Variants in GRAMD4 observed in about 807,000 individuals in gnomAD.
GRAMD4 encodes GRAM domain-containing protein 4.
GRAMD4 carries 25 observed loss-of-function variants against 83.9 expected under a neutral mutation model. The ratio of observed to expected loss-of-function variants is 0.30; its 90% CI spans 0.22 to 0.42. GRAMD4 has a LOEUF of 0.42. GRAMD4 is among the 10% of genes least tolerant of loss of function. The pLI is 1.00. For synonymous variants in GRAMD4, 336 were observed against 320.9 expected (o/e 1.05, Z -0.50); for missense variants, 593 against 788.7 (o/e 0.75, Z 2.97).
intron 1 of GRAMD4, among the ~76,000 whole-genome samples, chr22:46,608,946 G>A (rs553327914): frequency 6.6e-6 from 1 of 152,296 alleles, no homozygotes; most frequent in East Asian, 1.9e-4. Flanking sequence ...GCACGTGCCT[G>A]TAGTACCAGC....
At chr22:46,598,847 G>A (rs2081286132) in intron 1 of GRAMD4, among the ~76,000 whole-genome samples, 1 of 152,174 alleles carries the variant, frequency 6.6e-6, no homozygotes, top group African/African-American at 2.4e-5. Context: ...GCTACATGGT[G>A]GGTTTCAGGC....
At chr22:46,613,248 C>A (rs985516711) in intron 1 of GRAMD4, among the ~76,000 whole-genome samples, 1 of 152,128 alleles carries the variant, frequency 6.6e-6, no homozygotes, top group African/African-American at 2.4e-5. Context: ...AGCAGGGGCC[C>A]CTGTCCGAGG....
At chr22:46,625,382 G>A (rs2147158663) in intron 1 of GRAMD4, among the ~76,000 whole-genome samples, 1 of 152,352 alleles carries the variant, frequency 6.6e-6, no homozygotes, top group Middle Eastern at 3.4e-3. Context: ...CAGGCATGTA[G>A]GAGCTGGAGC....
chr22:46,577,913 C>G (rs1481071639), intron 1 of GRAMD4, among the ~76,000 whole-genome samples: 1 of 152,196 alleles, frequency 6.6e-6, no homozygotes, highest in African/African-American at 2.4e-5. Flanking sequence ...TGTGGCAACC[C>G]CGGCCCGAGG....
At chr22:46,625,529 T>C (rs1275681927) in intron 1 of GRAMD4, among the ~76,000 whole-genome samples, 1 of 152,276 alleles carries the variant, frequency 6.6e-6, no homozygotes, top group African/African-American at 2.4e-5. Flanking sequence ...AATTCCTGGA[T>C]ACCTTTGCCT....
chr22:46,677,475 G>T lies in GRAMD4; in HGVS notation c.*224G>T, dbSNP rs2082616609. 7.7e-7 allele frequency: 1 copy of T among 1,301,000 alleles called. No homozygotes were observed. The allele number at this position is 1,301,000 out of a possible 1,614,324, so 80.6% of individuals were successfully genotyped here. On this transcript the variant is annotated 3_prime_UTR_variant, in exon 19 of 19. Transcript: ENST00000406902. ...CCCTCTCCCACAGGGCACGTCAGGT[G>T]CCTCTGAGGGCCACCCGCAGACTGG...
intron 1 of GRAMD4, among the ~76,000 whole-genome samples, chr22:46,599,454 G>A (rs1269066592): frequency 6.6e-6 from 1 of 152,080 alleles, no homozygotes; most frequent in African/African-American, 2.4e-5. Context: ...AAGTAGCTGG[G>A]ATTACAGGCT....
chr22:46,629,294 C>T (rs547550936), intron 2 of GRAMD4, among the ~76,000 whole-genome samples: 2 of 152,240 alleles, frequency 1.3e-5, no homozygotes, highest in East Asian at 3.9e-4. Flanking sequence ...TCTCGTCCAC[C>T]CCCAGGCCTG....
intron 2 of GRAMD4, among the ~76,000 whole-genome samples, chr22:46,637,151 G>A (rs1755535856): frequency 6.6e-6 from 1 of 152,234 alleles, no homozygotes; most frequent in Admixed American, 6.5e-5. Context: ...GGCACGGCCA[G>A]CCGGACACAC....
At chr22:46,661,512 T>C (rs976496736) in intron 5 of GRAMD4, 70 bp downstream of exon 5, 14 of 1,093,624 alleles carry the variant, frequency 1.3e-5, no homozygotes, top group Admixed American at 1.8e-5. Flanking sequence ...GCTGGTTCTG[T>C]AGGCCCAGGT....
intron 3 of GRAMD4, among the ~76,000 whole-genome samples, chr22:46,652,184 G>A (rs2082176222): frequency 1.3e-5 from 2 of 152,174 alleles, no homozygotes. Flanking sequence ...AGATGGTTCT[G>A]GATTATCTGG....
chr22:46,676,240 C>T (rs1042251819), intron 17 of GRAMD4, among the ~76,000 whole-genome samples: 6 of 152,228 alleles, frequency 3.9e-5, no homozygotes, highest in Non-Finnish European at 8.8e-5. Flanking sequence ...GTCCTTTCCG[C>T]CTGCCTCTTG....
chr22:46,680,613 T>TCCATCCGTCCTTCCATCCATCCATCCAC (rs2082660019), downstream of GRAMD4, among the ~76,000 whole-genome samples: 1 of 100,288 alleles, frequency 1.0e-5, no homozygotes, highest in African/African-American at 3.9e-5. Flanking sequence ...CATTCATCCA[T>TCCATCCGTCCTTCCATCCATCCATCCAC]CCACCCACCC....
chr22:46,581,716 G>A (rs1283888541), intron 1 of GRAMD4, among the ~76,000 whole-genome samples: 2 of 152,356 alleles, frequency 1.3e-5, no homozygotes, highest in East Asian at 3.9e-4. Flanking sequence ...TCACGCAGGA[G>A]GAAGCCCTGG....
chr22:46,581,615 C>T (rs1171716354), intron 1 of GRAMD4, among the ~76,000 whole-genome samples: 1 of 152,240 alleles, frequency 6.6e-6, no homozygotes, highest in Admixed American at 6.5e-5. Context: ...ATTCGGACAG[C>T]ATGTCCTGCT....
intron 13 of GRAMD4, among the ~76,000 whole-genome samples, chr22:46,670,168 G>A (rs1488241877): frequency 6.6e-6 from 1 of 152,254 alleles, no homozygotes; most frequent in Non-Finnish European, 1.5e-5. Flanking sequence ...AGCAGTGGGG[G>A]CTGTGTCTGT....
chr22:46,605,526 T>C (rs2081356379), intron 1 of GRAMD4, among the ~76,000 whole-genome samples: 1 of 152,276 alleles, frequency 6.6e-6, no homozygotes, highest in Non-Finnish European at 1.5e-5. Flanking sequence ...GGAACCTCCA[T>C]ACTGTGATTC....
At chr22:46,595,512 G>T (rs1360118959) in intron 1 of GRAMD4, among the ~76,000 whole-genome samples, 1 of 152,250 alleles carries the variant, frequency 6.6e-6, no homozygotes, top group African/African-American at 2.4e-5. Flanking sequence ...GGGCACAGAG[G>T]TGCAGGGGTA....
chr22:46,623,544 C>T (rs571848082), intron 1 of GRAMD4, among the ~76,000 whole-genome samples: 1 of 151,606 alleles, frequency 6.6e-6, no homozygotes, highest in Non-Finnish European at 1.5e-5. Flanking sequence ...TACAGGTGCC[C>T]GCCACCTTGC....
Sources: gnomAD v4.1 joint callset for allele counts (sites outside exome capture counted in the v4.1 genomes callset) on GRCh38, gnomAD v4.1.1 for gene constraint, MANE v1.5 for transcripts, NCBI Gene and HGNC (gene_info 2026-07-23, HGNC 2026-07-21) for gene names.